CRLF3: variants seen among roughly 807,000 people sequenced by gnomAD.
CRLF3 encodes the protein cytokine receptor-like factor 3.
CRLF3 carries 33 observed loss-of-function variants against 55.0 expected under a neutral mutation model. The observed-to-expected ratio is 0.60, with a 90% confidence interval of 0.46 to 0.80. CRLF3 has a LOEUF of 0.80. Ranked by LOEUF, CRLF3 falls within the 30% of genes least tolerant of loss-of-function variation. CRLF3 has a pLI of 0.00. For missense variants in CRLF3, 494 were observed against 538.4 expected (o/e 0.92, Z 0.82); for synonymous variants, 238 against 196.8 (o/e 1.21, Z -1.75).
intron 1 of CRLF3, among the ~76,000 whole-genome samples, chr17:30,822,034 CG>C (rs1369511157): frequency 8.2e-6 from 1 of 121,370 alleles, no homozygotes; most frequent in African/African-American, 3.2e-5. Flanking sequence ...GCCTGGGAAA[CG>C]TAACAAAACC....
Position 30,784,432 on chromosome 17 carries a change from C to T in CRLF3, c.1084G>A (p.Val362Ile). 6.2e-7 allele frequency: 1 copy of T among 1,611,794 alleles called. No individual in the cohort carries two copies. Among genetic ancestry groups the T allele is most frequent in the Non-Finnish European group, 8.5e-7 (1 of 1,178,178 alleles). The change falls in exon 8 of 8, where the codon GTC becomes ATC. Residue 362 changes from valine (V) to isoleucine (I), a missense_variant. Transcript: ENST00000324238. ...VCISTNGAVF[V>I]NGKEMTNQLP... is the part of the protein sequence containing the mutation. The stretch of plus-strand genomic sequence containing the variant: ...TGATTTGTCATTTCTTTTCCATTGA[C>T]AAAAACTGCACCTAAAATGTTAAGG...
intron 6 of CRLF3, among the ~76,000 whole-genome samples, chr17:30,789,993 GT>G (rs1009140367): frequency 4.6e-4 from 67 of 145,594 alleles, no homozygotes; most frequent in South Asian, 1.1e-3. Context: ...GGTATTAGTT[GT>G]TTTTTTTTTT....
At chr17:30,803,496 A>C (rs1360465824) in intron 2 of CRLF3, among the ~76,000 whole-genome samples, 1 of 152,170 alleles carries the variant, frequency 6.6e-6, no homozygotes, top group African/African-American at 2.4e-5. Context: ...AATCTGAACG[A>C]ACCACATTTA....
At chr17:30,789,633 T>C in intron 6 of CRLF3, among the ~76,000 whole-genome samples, 1 of 152,192 alleles carries the variant, frequency 6.6e-6, no homozygotes. Context: ...GGTAAATAAC[T>C]TCTCTATGCC....
chr17:30,791,717 C>T (rs887596414), intron 6 of CRLF3, among the ~76,000 whole-genome samples: 3 of 147,450 alleles, frequency 2.0e-5, no homozygotes, highest in Admixed American at 6.8e-5. Flanking sequence ...GGGGTTTCAC[C>T]ATGTTAGCCA....
chr17:30,805,913 C>T (rs1445612251), intron 1 of CRLF3, among the ~76,000 whole-genome samples: 1 of 152,002 alleles, frequency 6.6e-6, no homozygotes, highest in Non-Finnish European at 1.5e-5. Context: ...GTCCCAGCTA[C>T]TTAGGAGGCT....
At chr17:30,808,594 G>A (rs1904503453) in intron 1 of CRLF3, among the ~76,000 whole-genome samples, 1 of 147,384 alleles carries the variant, frequency 6.8e-6, no homozygotes, top group African/African-American at 2.5e-5. Flanking sequence ...AGCCAAACCT[G>A]TATATATATA....
intron 6 of CRLF3, among the ~76,000 whole-genome samples, chr17:30,791,986 G>A (rs76053788): frequency 0.14 from 20,630 of 151,896 alleles, 1,503 homozygotes; most frequent in South Asian, 0.25. Context: ...AGCTGGGATT[G>A]CAGGCATATG....
intron 7 of CRLF3, chr17:30,785,007 C>A (rs112000107): frequency 0.07 from 10,680 of 152,282 alleles, 1,120 homozygotes; most frequent in African/African-American, 0.23. Flanking sequence ...CTTGGCCTCC[C>A]AAAGTGCTAG....
At chr17:30,798,031 T>C in intron 2 of CRLF3, among the ~76,000 whole-genome samples, 1 of 151,382 alleles carries the variant, frequency 6.6e-6, no homozygotes, top group Non-Finnish European at 1.5e-5. Flanking sequence ...TGCATCTATG[T>C]TTTCCTAAAA....
intron 7 of CRLF3, among the ~76,000 whole-genome samples, chr17:30,785,674 C>A (rs1453533400): frequency 1.3e-5 from 2 of 151,542 alleles, no homozygotes; most frequent in African/African-American, 2.4e-5. Flanking sequence ...CCCGGCTACT[C>A]AGGAGGCTGA....
At position 30,784,613 on chromosome 17, in the gene CRLF3, C is replaced by T. The variant is rs953177745; in HGVS notation, c.1073-170G>A. On this transcript the variant is annotated intron_variant, in intron 7 of 7. Transcript: ENST00000324238. ...TCTGTCCAGGGTTGTACTCTTCCAGCAGAGACTATGAGTTTCCCATATCAG... is the reference window on the plus strand; with the variant it reads ...TCTGTCCAGGGTTGTACTCTTCCAGTAGAGACTATGAGTTTCCCATATCAG... 7 of 595,346 alleles carry T rather than the reference C, an allele frequency of 1.2e-5. No homozygotes were observed. The Admixed American group carries it at 1.9e-4, about 16-fold the overall frequency. The allele number at this position is 595,346 out of a possible 1,614,324, so 36.9% of individuals were successfully genotyped here. A position where few individuals can be genotyped will look rare whatever the true frequency, so the allele number is the denominator to read the frequency against.
intron 1 of CRLF3, among the ~76,000 whole-genome samples, chr17:30,819,633 A>G (rs1248663964): frequency 1.3e-5 from 2 of 152,156 alleles, no homozygotes; most frequent in African/African-American, 4.8e-5. Flanking sequence ...GCACGCTACC[A>G]CACCTGGCTA....
intron 1 of CRLF3, among the ~76,000 whole-genome samples, chr17:30,815,084 C>CTTTTTTTTTTTTTTTTTTTTTTTTT (rs541526248): frequency 9.3e-6 from 1 of 107,530 alleles, no homozygotes; most frequent in Non-Finnish European, 2.0e-5. Flanking sequence ...TTCTTTCTTT[C>CTTTTTTTTTTTTTTTTTTTTTTTTT]TTTTTTTTTT....
rs1971558826 is a variant in CRLF3, at chr17:30,783,682, C to G, written c.*505G>C. 1 of 152,516 alleles carries G rather than the reference C, an allele frequency of 6.6e-6. No individual in the cohort carries two copies. Among genetic ancestry groups the G allele is most frequent in the South Asian group, 2.1e-4 (1 of 4,844 alleles). 9.4% of individuals were successfully genotyped at this position (152,516 alleles called of 1,614,324 possible). ...AGATTACTGAAGAGGGGATAAAAGT[C>G]AACACTGCTTACAAATACCTGAACA... On this transcript the variant is annotated 3_prime_UTR_variant, in exon 8 of 8. Coordinates refer to ENST00000324238, the MANE Select transcript of CRLF3 (RefSeq NM_015986.4).
At chr17:30,797,465 A>G (rs1971935847) in intron 2 of CRLF3, 67 bp from the exon 3 acceptor site, 3 of 1,272,824 alleles carry the variant, frequency 2.4e-6, no homozygotes, top group East Asian at 4.6e-5. Flanking sequence ...AACACAACTC[A>G]TGTCTGGGTG....
chr17:30,803,751 C>A, intron 2 of CRLF3, 150 bp downstream of exon 2: 1 of 674,044 alleles, frequency 1.5e-6, no homozygotes, highest in Non-Finnish European at 2.6e-6. Flanking sequence ...TGCCTTTCAC[C>A]TGCCATGATT....
intron 1 of CRLF3, among the ~76,000 whole-genome samples, chr17:30,812,743 T>C (rs1179325358): frequency 6.6e-6 from 1 of 152,064 alleles, no homozygotes; most frequent in African/African-American, 2.4e-5. Context: ...GTGAAACTGA[T>C]CCTGTGCCAG....
In CRLF3 at chr17:30,782,928, TTAAAA is replaced by T. The variant is rs1276249952; in HGVS notation, c.*1254_*1258del. ...AATGAAATGAAAAAAATAATTCACA[TTAAAA>T]TAAAATCTGTAGGGTGGCATAGAAG... is the stretch of plus-strand genomic sequence containing the variant. On this transcript the variant is annotated 3_prime_UTR_variant, in exon 8 of 8. Transcript: ENST00000324238. 2.6e-5 allele frequency: 4 copies of T among 152,300 alleles called. No individual in the cohort carries two copies. Among genetic ancestry groups the T allele is most frequent in the South Asian group, 2.1e-4 (1 of 4,826 alleles). 9.4% of individuals were successfully genotyped at this position (152,300 alleles called of 1,614,324 possible).
Sources: allele counts gnomAD v4.1 joint callset (sites outside exome capture counted in the v4.1 genomes callset), GRCh38; gene constraint gnomAD v4.1.1; transcripts MANE v1.5; gene names NCBI Gene and HGNC (gene_info 2026-07-23, HGNC 2026-07-21).